The following EXOC6B variants were observed in gnomAD, a reference collection of about 807,000 sequenced individuals.
EXOC6B encodes the protein SEC15 homolog B.
In EXOC6B, 54 loss-of-function variants were observed where a neutral mutation model predicts 113.5. The ratio of observed to expected loss-of-function variants is 0.48; its 90% CI spans 0.38 to 0.60. The LOEUF is 0.60. Ranked by LOEUF, EXOC6B falls within the 20% of genes least tolerant of loss-of-function variation. The pLI is 0.00. For synonymous variants in EXOC6B, 357 were observed against 339.0 expected (o/e 1.05, Z -0.58); for missense variants, 797 against 977.5 (o/e 0.82, Z 2.46).
intron 20 of EXOC6B, among the ~76,000 whole-genome samples, chr2:72,185,304 C>A (rs1678350286): frequency 6.6e-6 from 1 of 152,236 alleles, no homozygotes; most frequent in Non-Finnish European, 1.5e-5. Flanking sequence ...ATATCCAATG[C>A]CAGAGCCTGG....
chr2:72,599,692 T>C (rs10182290), intron 6 of EXOC6B, among the ~76,000 whole-genome samples: 12 of 152,178 alleles, frequency 7.9e-5, no homozygotes, highest in African/African-American at 2.9e-4. Flanking sequence ...ACTAAGTGAT[T>C]ATAGCAAGGC....
chr2:72,582,111 T>C (rs1161703148), intron 6 of EXOC6B, among the ~76,000 whole-genome samples: 1 of 151,908 alleles, frequency 6.6e-6, no homozygotes, highest in Non-Finnish European at 1.5e-5. Flanking sequence ...CAAAAGACCC[T>C]GCCCAACATT....
chr2:72,189,756 C>T (rs1416841940), intron 20 of EXOC6B, among the ~76,000 whole-genome samples: 2 of 133,284 alleles, frequency 1.5e-5, no homozygotes, highest in Non-Finnish European at 3.2e-5. Flanking sequence ...TCCTTTCTTT[C>T]TTCCTTCCCC....
In EXOC6B at chr2:72,208,308, G is replaced by C. The variant is rs537935172; in HGVS notation, c.2197-24121C>G. On this transcript the variant is annotated intron_variant, in intron 20 of 21. Transcript: ENST00000272427. ...TATGCCCATGTGAGCTCAATGTTTT[G>C]TTCCCACTTATAATTGAGAACATGC... 9.9e-5 allele frequency among the ~76,000 whole-genome samples: 15 copies of C among 151,734 alleles called. 1 individual carries two copies. The highest frequency in any genetic ancestry group is 3.1e-4 in the African/African-American group (13 of 41,366).
intron 20 of EXOC6B, among the ~76,000 whole-genome samples, chr2:72,261,405 G>A (rs1683706486): frequency 6.6e-6 from 1 of 152,164 alleles, no homozygotes; most frequent in South Asian, 2.1e-4. Context: ...AGATCTTTTA[G>A]AATCATAGAG....
intron 8 of EXOC6B, among the ~76,000 whole-genome samples, chr2:72,541,775 A>G (rs1702618313): frequency 6.6e-6 from 1 of 152,184 alleles, no homozygotes; most frequent in South Asian, 2.1e-4. Flanking sequence ...ATTTAGTAAT[A>G]TTCCCAGCTA....
intron 18 of EXOC6B, among the ~76,000 whole-genome samples, chr2:72,410,526 G>A (rs935574246): frequency 1.3e-5 from 2 of 152,126 alleles, no homozygotes; most frequent in African/African-American, 4.8e-5. Flanking sequence ...ATTTTATCAG[G>A]TGAAAGTCAA....
intron 13 of EXOC6B, among the ~76,000 whole-genome samples, 166 bp downstream of exon 13, chr2:72,498,288 C>T (rs923545208): frequency 7.9e-5 from 12 of 152,246 alleles, no homozygotes; most frequent in African/African-American, 1.7e-4. Flanking sequence ...TAATTTTGGA[C>T]GTTCTAACAG....
intron 6 of EXOC6B, among the ~76,000 whole-genome samples, chr2:72,641,754 C>A (rs1673258211): frequency 6.6e-6 from 1 of 152,216 alleles, no homozygotes; most frequent in South Asian, 2.1e-4. Context: ...AGACAGACTG[C>A]CTCCTCAAGT....
chr2:72,637,753 G>T (rs531593622), intron 6 of EXOC6B, among the ~76,000 whole-genome samples: 1 of 150,464 alleles, frequency 6.6e-6, no homozygotes, highest in African/African-American at 2.5e-5. Context: ...TCACACCACT[G>T]CAGTACAGCC....
chr2:72,505,258 C>G (rs1040867049), intron 11 of EXOC6B, among the ~76,000 whole-genome samples: 1 of 152,114 alleles, frequency 6.6e-6, no homozygotes. Flanking sequence ...GAAATTCAAT[C>G]TTTGGTGTAT....
At chr2:72,616,378 A>ATAAGC (rs1671386437) in intron 6 of EXOC6B, among the ~76,000 whole-genome samples, 1 of 152,248 alleles carries the variant, frequency 6.6e-6, no homozygotes, top group Non-Finnish European at 1.5e-5. Context: ...ACTTCAAAAT[A>ATAAGC]TACTACTAAG....
intron 1 of EXOC6B, among the ~76,000 whole-genome samples, chr2:72,793,688 G>T (rs1684799250): frequency 6.6e-6 from 1 of 152,186 alleles, no homozygotes. Flanking sequence ...AAACAGGTTA[G>T]CGAGGTACAT....
At chr2:72,335,530 T>C (rs2104882555) in intron 19 of EXOC6B, among the ~76,000 whole-genome samples, 1 of 148,646 alleles carries the variant, frequency 6.7e-6, no homozygotes, top group South Asian at 2.1e-4. Flanking sequence ...ATTTGTATTA[T>C]CTCATGACTG....
intron 20 of EXOC6B, among the ~76,000 whole-genome samples, chr2:72,225,564 T>C (rs1681182850): frequency 6.6e-6 from 1 of 152,172 alleles, no homozygotes; most frequent in African/African-American, 2.4e-5. Context: ...GACAATTACT[T>C]AGACTTGTCT....
At chr2:72,413,089 GC>G (rs1694286889) in intron 18 of EXOC6B, among the ~76,000 whole-genome samples, 1 of 151,996 alleles carries the variant, frequency 6.6e-6, no homozygotes, top group South Asian at 2.1e-4. Flanking sequence ...CTCCTCAGTA[GC>G]TGGGACTACA....
chr2:72,747,788 A>G (rs189601339), intron 1 of EXOC6B, among the ~76,000 whole-genome samples: 1 of 152,066 alleles, frequency 6.6e-6, no homozygotes, highest in East Asian at 1.9e-4. Flanking sequence ...TTGCCTCTCA[A>G]TTTTCAGCTT....
chr2:72,386,192 C>T (rs753983887), intron 18 of EXOC6B, among the ~76,000 whole-genome samples: 1 of 151,224 alleles, frequency 6.6e-6, no homozygotes, highest in South Asian at 2.1e-4. Context: ...TGGAATACCA[C>T]ATATGCTCAT....
chr2:72,468,868 T>G (rs1268538283), intron 17 of EXOC6B, among the ~76,000 whole-genome samples: 1 of 152,182 alleles, frequency 6.6e-6, no homozygotes, highest in African/African-American at 2.4e-5. Flanking sequence ...TATACTTTCA[T>G]CTTTACATTA....
Sources: gnomAD v4.1 joint callset for allele counts (sites outside exome capture counted in the v4.1 genomes callset) on GRCh38, gnomAD v4.1.1 for gene constraint, MANE v1.5 for transcripts, NCBI Gene and HGNC (gene_info 2026-07-23, HGNC 2026-07-21) for gene names.